The following DENND2A variants were observed in gnomAD, a reference collection of about 807,000 sequenced individuals.
The protein encoded by DENND2A is DENN domain-containing protein 2A.
A neutral mutation model predicts 105.3 loss-of-function variants in DENND2A; 53 were observed. That is an observed-to-expected ratio of 0.50 (90% confidence interval 0.40 to 0.63). DENND2A has a LOEUF of 0.63. DENND2A is among the 30% of genes least tolerant of loss of function. The pLI is 0.00. For missense variants in DENND2A, 1,138 were observed against 1,279.6 expected (o/e 0.89, Z 1.69); for synonymous variants, 522 against 508.4 (o/e 1.03, Z -0.36).
rs547989257 is a variant in DENND2A, at chr7:140,521,340, C to T, written c.2911+515G>A. Among the ~76,000 whole-genome samples, 11 of 152,048 alleles carry T rather than the reference C, an allele frequency of 7.2e-5. 1 individual carries two copies. In the South Asian group the frequency reaches 2.1e-3, roughly 29 times the overall value. On this transcript the variant is annotated intron_variant, in intron 18 of 19. Coordinates refer to ENST00000496613, the MANE Select transcript of DENND2A (RefSeq NM_015689.5). ...CCAGGCTGGAGTGCAGTGACATGAT[C>T]TCGGCTTATTGCAACTTCCACCTCC...
intron 8 of DENND2A, 38 bp from the exon 9 acceptor site, chr7:140,567,311 AGAGAG>A: frequency 1.5e-6 from 2 of 1,306,812 alleles, no homozygotes; most frequent in Non-Finnish European, 1.0e-6. Flanking sequence ...AGAAAGAGAG[AGAGAG>A]AGAGAGAGAG....
At chr7:140,596,148 A>C (rs1232670360) in intron 3 of DENND2A, among the ~76,000 whole-genome samples, 1 of 152,234 alleles carries the variant, frequency 6.6e-6, no homozygotes, top group Non-Finnish European at 1.5e-5. Flanking sequence ...CATTGTGGCT[A>C]ATATCCAACG....
chr7:140,596,530 T>C (rs932078443), intron 3 of DENND2A, among the ~76,000 whole-genome samples: 6 of 152,166 alleles, frequency 3.9e-5, no homozygotes, highest in African/African-American at 1.4e-4. Context: ...ATCAGTCCCA[T>C]AGAAGATGGA....
chr7:140,619,936 T>TA (rs965981837), intron 1 of DENND2A, among the ~76,000 whole-genome samples: 11 of 151,504 alleles, frequency 7.3e-5, no homozygotes, highest in African/African-American at 2.7e-4. Context: ...CTCACGCCTG[T>TA]AACCCCAGCA....
At chr7:140,577,399 C>CTTT (rs60840763) in intron 5 of DENND2A, among the ~76,000 whole-genome samples, 1 of 141,958 alleles carries the variant, frequency 7.0e-6, no homozygotes, top group Non-Finnish European at 1.6e-5. Flanking sequence ...AAAACTTTTT[C>CTTT]TTTTTTTTTT....
At chr7:140,583,483 A>T (rs1798629124) in intron 5 of DENND2A, among the ~76,000 whole-genome samples, 1 of 150,148 alleles carries the variant, frequency 6.7e-6, no homozygotes, top group Non-Finnish European at 1.5e-5. Context: ...GGTAAGAGCC[A>T]AGGGCAGAGT....
chr7:140,620,597 T>C (rs1800252611), intron 1 of DENND2A, among the ~76,000 whole-genome samples: 1 of 152,212 alleles, frequency 6.6e-6, no homozygotes, highest in African/African-American at 2.4e-5. Context: ...ATATAAACGC[T>C]GCTGTTGTCT....
At chr7:140,537,205 T>C (rs1796483569) in intron 14 of DENND2A, among the ~76,000 whole-genome samples, 1 of 152,190 alleles carries the variant, frequency 6.6e-6, no homozygotes, top group Non-Finnish European at 1.5e-5. Flanking sequence ...AAAAAGGACA[T>C]GGGATTCTCA....
intron 1 of DENND2A, among the ~76,000 whole-genome samples, chr7:140,606,908 G>C (rs1217326445): frequency 6.6e-6 from 1 of 152,204 alleles, no homozygotes; most frequent in African/African-American, 2.4e-5. Context: ...TCTTTGGGAA[G>C]AAGTGTCTCC....
chr7:140,603,987 A>G (rs1206513417), intron 2 of DENND2A, among the ~76,000 whole-genome samples: 1 of 152,260 alleles, frequency 6.6e-6, no homozygotes, highest in Non-Finnish European at 1.5e-5. Flanking sequence ...TTTGAAGGAA[A>G]AACATTTTTA....
rs1179882500 is a variant in DENND2A, at chr7:140,640,262, G to C, written c.-248+242C>G. ...TACCGGCTTTCTGCAGGTCCCCGAG[G>C]CGCGAGACGGCGGCGTCCGGGCTCA... On this transcript the variant is annotated intron_variant, in intron 1 of 19. Coordinates refer to ENST00000496613, the MANE Select transcript of DENND2A (RefSeq NM_015689.5). This position sits in a 1 kb window ranked among gnomAD's most constrained non-coding sequence, Gnocchi z 4.9. The C allele has an allele frequency of 2.0e-5, 3 of 152,372 alleles. No homozygotes were observed. The East Asian group carries it at 5.8e-4, about 30-fold the overall frequency. The allele number at this position is 152,372 out of a possible 1,614,324, so 9.4% of individuals were successfully genotyped here. A position where few individuals can be genotyped will look rare whatever the true frequency, so the allele number is the denominator to read the frequency against.
In DENND2A at chr7:140,546,972, C is replaced by T. The variant is rs75343023; in HGVS notation, c.2038-33G>A. On this transcript the variant is annotated intron_variant, in intron 12 of 19. Transcript: ENST00000496613. Reference sequence around the variant, plus strand: ...GGTCAGAAAAGCAGCTTAGCTATTCCGAAGCCAAAGCACCAAGGTGGAGCT... The same window carrying T: ...GGTCAGAAAAGCAGCTTAGCTATTCTGAAGCCAAAGCACCAAGGTGGAGCT... The T allele has an allele frequency of 4.7e-3, 7,429 of 1,597,322 alleles. 309 individuals are homozygous for T. In the African/African-American group the frequency reaches 0.087, roughly 19 times the overall value.
chr7:140,608,047 A>C (rs1002251516), intron 1 of DENND2A, among the ~76,000 whole-genome samples: 1 of 152,208 alleles, frequency 6.6e-6, no homozygotes, highest in African/African-American at 2.4e-5. Flanking sequence ...CAGCTTTTCC[A>C]AAAGGAAAAA....
chr7:140,522,004 C>T lies in DENND2A; in HGVS notation c.2762G>A (p.Gly921Asp). 4 of 1,614,190 alleles carry T rather than the reference C, an allele frequency of 2.5e-6. No homozygotes were observed. The highest frequency in any genetic ancestry group is 1.3e-5 in the African/African-American group (1 of 75,058). Reference protein sequence around the residue: ...VGHYSLFLTSGEREERTLQRE... With the variant: ...VGHYSLFLTSDEREERTLQRE... ...CTGCAGGGTTCTCTCCTCACGCTCG[C>T]CCGACGTCAGGAACAAAGAGTAGTG... Residue 921 changes from glycine to aspartate, a missense_variant, in exon 18 of 20, where the codon GGC becomes GAC. Physicochemically the swap from Gly to Asp is moderately conservative, Grantham distance 94. Transcript: ENST00000496613.
At chr7:140,555,084 C>G (rs1158434302) in intron 12 of DENND2A, among the ~76,000 whole-genome samples, 4 of 151,508 alleles carry the variant, frequency 2.6e-5, no homozygotes, top group Admixed American at 6.6e-5. Flanking sequence ...CTTCAATTAT[C>G]TTGCCATCCC....
intron 3 of DENND2A, among the ~76,000 whole-genome samples, chr7:140,591,326 G>C (rs1423313892): frequency 6.6e-6 from 1 of 152,044 alleles, no homozygotes; most frequent in Non-Finnish European, 1.5e-5. Context: ...AATAAAAGAT[G>C]GTTATTCACG....
chr7:140,636,823 G>A (rs1800954690), intron 1 of DENND2A, among the ~76,000 whole-genome samples: 2 of 151,722 alleles, frequency 1.3e-5, no homozygotes, highest in Admixed American at 6.6e-5. Flanking sequence ...CCGAGTAGCT[G>A]GGACTACAGG....
intron 14 of DENND2A, chr7:140,543,577 A>T (rs922985846): frequency 3.9e-5 from 6 of 152,106 alleles, no homozygotes; most frequent in African/African-American, 1.4e-4. Flanking sequence ...CTGCCGACTG[A>T]TTCCATCCTT....
chr7:140,546,152 G>T (rs529425291), intron 13 of DENND2A, among the ~76,000 whole-genome samples: 2 of 152,256 alleles, frequency 1.3e-5, no homozygotes, highest in Non-Finnish European at 2.9e-5. Flanking sequence ...GGGCGCGGTG[G>T]CTCACGCCTG....
Sources: allele counts gnomAD v4.1 joint callset (sites outside exome capture counted in the v4.1 genomes callset), GRCh38; gene constraint gnomAD v4.1.1; non-coding constraint Gnocchi (gnomAD v3.1); transcripts MANE v1.5; gene names NCBI Gene and HGNC (gene_info 2026-07-23, HGNC 2026-07-21).